The following OCA2 variants were observed in gnomAD, a reference collection of about 807,000 sequenced individuals.
OCA2 encodes P protein.
OCA2 carries 77 observed loss-of-function variants against 100.2 expected under a neutral mutation model. The ratio of observed to expected loss-of-function variants is 0.77; its 90% CI spans 0.64 to 0.93. OCA2 has a LOEUF of 0.93. OCA2 is among the 40% of genes least tolerant of loss of function. The probability of loss-of-function intolerance (pLI) is 0.00; values close to 1 mark genes in which losing one functional copy is unlikely to be tolerated. For synonymous variants in OCA2, 432 were observed against 439.2 expected, an observed-to-expected ratio of 0.98 and a Z score of 0.21; for missense variants, 1,062 against 1,089.1, an observed-to-expected ratio of 0.98 and a Z score of 0.35.
chr15:27,784,907 G>A (rs2032732202), intron 23 of OCA2, among the ~76,000 whole-genome samples: 1 of 151,722 alleles, frequency 6.6e-6, no homozygotes, highest in Non-Finnish European at 1.5e-5. Flanking sequence ...GAGAGAGAGA[G>A]AGAGAGAGAA....
intron 2 of OCA2, among the ~76,000 whole-genome samples, chr15:28,057,982 C>T (rs1448038153): frequency 6.6e-6 from 1 of 152,186 alleles, no homozygotes; most frequent in South Asian, 2.1e-4. Context: ...CTGGTCCTGG[C>T]ACAGCGGGGA....
At chr15:27,841,352 A>G (rs886337366) in intron 23 of OCA2, among the ~76,000 whole-genome samples, 4 of 152,176 alleles carry the variant, frequency 2.6e-5, no homozygotes, top group Non-Finnish European at 4.4e-5. Context: ...GCCTTGTAGC[A>G]ATGGAACTCT....
rs76033022 is a variant in OCA2, at chr15:27,969,463, T to A, written c.1504-2641A>T. On this transcript the variant is annotated intron_variant, in intron 14 of 23. Coordinates refer to ENST00000354638, the MANE Select transcript of OCA2 (RefSeq NM_000275.3). ...CAGGTATCTGGGACACCCTGCTGCT[T>A]TTACATGCCTCTGTAATTTCCTAGA... Among the ~76,000 whole-genome samples, 1,523 of 152,344 alleles carry A rather than the reference T, an allele frequency of 1.0e-2. 13 individuals carry two copies. The highest frequency in any genetic ancestry group is 0.016 in the Non-Finnish European group (1,100 of 68,026).
At chr15:27,752,496 G>T (rs980832355), downstream of OCA2, among the ~76,000 whole-genome samples, 2 of 152,126 alleles carry the variant, frequency 1.3e-5, no homozygotes, top group Non-Finnish European at 2.9e-5. Context: ...TTCAGAAGTG[G>T]ACTTTTCATC....
chr15:27,771,441 G>A (rs941767484), intron 23 of OCA2, among the ~76,000 whole-genome samples: 1 of 148,192 alleles, frequency 6.7e-6, no homozygotes, highest in African/African-American at 2.5e-5. Context: ...CCGCCCCTCC[G>A]TGTGCTCCGC....
At chr15:27,724,166 G>A in the OCA2 span, among the ~76,000 whole-genome samples, 1 of 152,182 alleles carries the variant, frequency 6.6e-6, no homozygotes, top group Non-Finnish European at 1.5e-5. Context: ...GTGTCTGTCT[G>A]CCAGGGCTGC....
intron 23 of OCA2, among the ~76,000 whole-genome samples, chr15:27,829,284 G>GATAC (rs1443719207): frequency 1.3e-5 from 1 of 78,372 alleles, no homozygotes; most frequent in South Asian, 4.1e-4. Context: ...ATAGATGATA[G>GATAC]ATAGATAGAT....
At position 28,084,700 on chromosome 15, in the gene OCA2, C is replaced by T. The variant is rs547394623; in HGVS notation, c.-21-2805G>A. On this transcript the variant is annotated intron_variant, in intron 1 of 23. Coordinates refer to ENST00000354638, the MANE Select transcript of OCA2 (RefSeq NM_000275.3). ...CACTCAGTGCAGACAGGATCCATGT[C>T]CTCGTGGCTGCATGACTCAGGGCTG... 3.3e-5 allele frequency among the ~76,000 whole-genome samples: 5 copies of T among 152,282 alleles called. No individual in the cohort carries two copies. In the East Asian group the frequency reaches 9.7e-4, roughly 30 times the overall value.
rs568429121 is a variant in OCA2 at position 27,829,273 on chromosome 15, G to A, written c.2432+15686C>T. Among the ~76,000 whole-genome samples, 3 of 144,444 alleles carry A rather than the reference G, an allele frequency of 2.1e-5. No individual in the cohort carries two copies. In the East Asian group the frequency reaches 5.9e-4, roughly 28 times the overall value. 94.8% of individuals were successfully genotyped at this position (144,444 alleles called of 152,430 possible). Reference sequence around the variant, plus strand: ...TGATTGATAGAGACAAGAGATAGAAGATAGATGATAGATAGATAGATAGAT... The same window carrying A: ...TGATTGATAGAGACAAGAGATAGAAAATAGATGATAGATAGATAGATAGAT... On this transcript the variant is annotated intron_variant, in intron 23 of 23. Coordinates refer to ENST00000354638, the MANE Select transcript of OCA2 (RefSeq NM_000275.3).
At chr15:27,838,744 T>C (rs1177184451) in intron 23 of OCA2, among the ~76,000 whole-genome samples, 3 of 152,170 alleles carry the variant, frequency 2.0e-5, no homozygotes, top group Non-Finnish European at 4.4e-5. Context: ...AACACCTTCA[T>C]GAAACCCAGA....
chr15:28,012,392 G>A (rs1479539839), intron 9 of OCA2, among the ~76,000 whole-genome samples: 1 of 152,018 alleles, frequency 6.6e-6, no homozygotes, highest in Non-Finnish European at 1.5e-5. Flanking sequence ...TGCATGGGGA[G>A]GCAGCCTCTG....
In OCA2 at chr15:27,809,329, G is replaced by A. The variant is rs115022982; in HGVS notation, c.2432+35630C>T. Among the ~76,000 whole-genome samples, 640 of 152,166 alleles carry A rather than the reference G, an allele frequency of 4.2e-3. 7 individuals carry two copies. The highest frequency in any genetic ancestry group is 0.014 in the African/African-American group (595 of 41,494). On this transcript the variant is annotated intron_variant, in intron 23 of 23. Coordinates refer to ENST00000354638, the MANE Select transcript of OCA2 (RefSeq NM_000275.3). The stretch of plus-strand genomic sequence containing the variant: ...TCTCATCTGATAAAATCCAGCATCC[G>A]TTTATGATAAAAACCCTCAACAAAC...
At chr15:28,075,055 CT>C (rs1278815259) in intron 2 of OCA2, among the ~76,000 whole-genome samples, 1 of 152,102 alleles carries the variant, frequency 6.6e-6, no homozygotes, top group Non-Finnish European at 1.5e-5. Flanking sequence ...AAACCTAAAA[CT>C]ACAACACTTC....
intron 5 of OCA2, 85 bp downstream of exon 5, chr15:28,024,760 C>T (rs1488653362): frequency 2.2e-6 from 3 of 1,395,116 alleles, no homozygotes; most frequent in Non-Finnish European, 3.1e-6. Context: ...GAGCCCCACA[C>T]CTCAGGTTCC....
chr15:27,814,964 A>G (rs916812038), intron 23 of OCA2, among the ~76,000 whole-genome samples: 6 of 152,044 alleles, frequency 3.9e-5, no homozygotes, highest in Admixed American at 6.5e-5. Flanking sequence ...ATATATATAT[A>G]TATCTTCTTT....
intron 18 of OCA2, among the ~76,000 whole-genome samples, chr15:27,950,852 C>A (rs1452954499): frequency 6.6e-6 from 1 of 152,094 alleles, no homozygotes; most frequent in Non-Finnish European, 1.5e-5. Flanking sequence ...CAGCTGCACT[C>A]CTCAAATTTC....
At chr15:27,796,888 C>G (rs1356207053) in intron 23 of OCA2, among the ~76,000 whole-genome samples, 1 of 152,182 alleles carries the variant, frequency 6.6e-6, no homozygotes, top group Non-Finnish European at 1.5e-5. Flanking sequence ...AATCACAAGC[C>G]CTGGGCCCTG....
At chr15:27,842,845 G>A (rs2035391532) in intron 23 of OCA2, among the ~76,000 whole-genome samples, 1 of 152,096 alleles carries the variant, frequency 6.6e-6, no homozygotes, top group African/African-American at 2.4e-5. Context: ...CACACGCATA[G>A]GTGTGTCACA....
At chr15:27,824,725 C>T (rs963996728) in intron 23 of OCA2, among the ~76,000 whole-genome samples, 6 of 151,008 alleles carry the variant, frequency 4.0e-5, no homozygotes, top group Admixed American at 2.0e-4. Context: ...CTGCTCTGCA[C>T]GCAGCACACT....
Sources: gnomAD v4.1 joint callset for allele counts (sites outside exome capture counted in the v4.1 genomes callset) on GRCh38, gnomAD v4.1.1 for gene constraint, MANE v1.5 for transcripts, NCBI Gene and HGNC (gene_info 2026-07-23, HGNC 2026-07-21) for gene names.